The following RNASE1 variants were observed in gnomAD, a reference collection of about 807,000 sequenced individuals.
RNASE1 encodes ribonuclease A family member 1, pancreatic.
For synonymous variants in RNASE1, 64 were observed against 78.6 expected (o/e 0.81, Z 0.98); for missense variants, 203 against 201.0 (o/e 1.01, Z -0.06).
Position 20,801,270 on chromosome 14 carries a change from T to C in RNASE1, c.*328A>G. 1 of 296,854 alleles carries C rather than the reference T, an allele frequency of 3.4e-6. No individual in the cohort carries two copies. The highest frequency in any genetic ancestry group is 6.4e-6 in the Non-Finnish European group (1 of 156,806). 18.4% of individuals were successfully genotyped at this position (296,854 alleles called of 1,614,324 possible). On this transcript the variant is annotated 3_prime_UTR_variant, in exon 2 of 2. Coordinates refer to ENST00000397967, the MANE Select transcript of RNASE1 (RefSeq NM_002933.5). ...GGCATTTAATTACTCCATTCACCGT[T>C]CTCCAAAGTGAATCAGATTTACAGT...
Position 20,801,641 on chromosome 14 carries a change from T to A in RNASE1, c.428A>T (p.Tyr143Phe), listed in dbSNP as rs1278644227. Residue 143 changes from tyrosine to phenylalanine, a missense_variant, in exon 2 of 2, where the codon TAT becomes TTT. Coordinates refer to ENST00000397967, the MANE Select transcript of RNASE1 (RefSeq NM_002933.5). ...AGAAGCATCAAAGTGGACTGGCACA[T>A]ATGGGCTCCCTTCACAGGCCACAAT... ...HIIVACEGSP[Y>F]VPVHFDASVE... 2.5e-6 allele frequency: 4 copies of A among 1,613,990 alleles called. No individual in the cohort carries two copies. The highest frequency in any genetic ancestry group is 3.4e-6 in the Non-Finnish European group (4 of 1,180,022).
chr14:20,801,393 TGGA>T lies in RNASE1; in HGVS notation c.*202_*204del, dbSNP rs1229921078. On this transcript the variant is annotated 3_prime_UTR_variant, in exon 2 of 2. Coordinates refer to ENST00000397967, the MANE Select transcript of RNASE1 (RefSeq NM_002933.5). ...AACTGCGTTTTATTGAAAGAAAGAG[TGGA>T]GGGGTTAACATGGGGCCCACCTCAC... 9 of 573,782 alleles carry T rather than the reference TGGA, an allele frequency of 1.6e-5. No homozygotes were observed. Among genetic ancestry groups the T allele is most frequent in the Non-Finnish European group, 2.2e-5 (7 of 321,962 alleles). 35.5% of individuals were successfully genotyped at this position (573,782 alleles called of 1,614,324 possible). A position where few individuals can be genotyped will look rare whatever the true frequency, so the allele number is the denominator to read the frequency against.
intron 1 of RNASE1, chr14:20,802,473 T>C (rs1258386930): frequency 5.8e-6 from 1 of 172,774 alleles, no homozygotes. Flanking sequence ...TCCAGGGCCA[T>C]GGGTGACAGA....
intron 1 of RNASE1, among the ~76,000 whole-genome samples, 195 bp downstream of exon 1, chr14:20,802,602 C>G (rs979737642): frequency 1.3e-5 from 2 of 152,196 alleles, no homozygotes; most frequent in African/African-American, 4.8e-5. Context: ...GCTCCTTCTT[C>G]TCCAGTCCCA....
At chr14:20,802,720 T>C (rs1337179234) in intron 1 of RNASE1, 77 bp downstream of exon 1, 1 of 152,576 alleles carries the variant, frequency 6.6e-6, no homozygotes, top group East Asian at 1.9e-4. Flanking sequence ...TTCTCAGTGC[T>C]GTGGACTGGC....
At position 20,801,757 on chromosome 14, in the gene RNASE1, G is replaced by A. The variant is rs750981570; in HGVS notation, c.312C>T (p.Asn104=). ...KNGQGNCYKS[N]SSMHITDCRL... The stretch of plus-strand genomic sequence containing the variant: ...GGCAGTCTGTGATGTGCATGCTGGA[G>A]TTGCTCTTGTAGCAGTTGCCCTGCC... The change falls in exon 2 of 2, where the codon AAC becomes AAT. Residue 104 remains asparagine, a synonymous_variant. Coordinates refer to ENST00000397967, the MANE Select transcript of RNASE1 (RefSeq NM_002933.5). 6.2e-7 allele frequency: 1 copy of A among 1,614,238 alleles called. No homozygotes were observed.
chr14:20,801,679 C>A lies in RNASE1; in HGVS notation c.390G>T (p.Lys130Asn), dbSNP rs11545379. The part of the protein sequence containing the change: ...YPNCAYRTSP[K>N]ERHIIVACEG... ...CACAGGCCACAATGATGTGTCTCTCCTTCGGGCTGGTCCGGTATGCACAGT... is the reference window on the plus strand; with the variant it reads ...CACAGGCCACAATGATGTGTCTCTCATTCGGGCTGGTCCGGTATGCACAGT... The change falls in exon 2 of 2, where the codon AAG (lysine) becomes AAT (asparagine). Residue 130 changes from lysine (K) to asparagine (N), a missense_variant. Lys to Asn is a moderately conservative substitution (Grantham distance 94). Coordinates refer to ENST00000397967, the MANE Select transcript of RNASE1 (RefSeq NM_002933.5). 34 of 1,614,050 alleles carry A rather than the reference C, an allele frequency of 2.1e-5. No individual in the cohort carries two copies. Among genetic ancestry groups the A allele is most frequent in the Non-Finnish European group, 1.6e-5 (19 of 1,180,048 alleles).
Position 20,801,823 on chromosome 14 carries a change from G to C in RNASE1, c.246C>G (p.Val82=), listed in dbSNP as rs761244763. 1 of 1,614,172 alleles carries C rather than the reference G, an allele frequency of 6.2e-7. No homozygotes were observed. Among genetic ancestry groups the C allele is most frequent in the Non-Finnish European group, 8.5e-7 (1 of 1,180,034 alleles). ...NTFVHEPLVD[V]QNVCFQEKVT... Reference sequence around the variant, plus strand: ...CCTTTTCCTGGAAACAGACATTCTGGACATCTACCAGGGGCTCGTGCACAA... The same window carrying C: ...CCTTTTCCTGGAAACAGACATTCTGCACATCTACCAGGGGCTCGTGCACAA... The change falls in exon 2 of 2, where the codon GTC becomes GTG. Residue 82 remains valine, a synonymous_variant. Transcript: ENST00000397967.
rs372724258 is a variant in RNASE1, at chr14:20,801,560, T to C, written c.*38A>G. Reference sequence around the variant, plus strand: ...AGGGAAGAGGCAGCTGTGGAGAGGATGAGGTTGAGGGAGGTGGGGTATCTC... The same window carrying C: ...AGGGAAGAGGCAGCTGTGGAGAGGACGAGGTTGAGGGAGGTGGGGTATCTC... On this transcript the variant is annotated 3_prime_UTR_variant, in exon 2 of 2. Coordinates refer to ENST00000397967, the MANE Select transcript of RNASE1 (RefSeq NM_002933.5). 54 of 1,540,086 alleles carry C rather than the reference T, an allele frequency of 3.5e-5. 1 individual carries two copies. The highest frequency in any genetic ancestry group is 4.7e-5 in the Non-Finnish European group (53 of 1,116,154).
chr14:20,801,685 G>A lies in RNASE1; in HGVS notation c.384C>T (p.Ser128=). The A allele has an allele frequency of 6.2e-7, 1 of 1,614,166 alleles. No homozygotes were observed. Among genetic ancestry groups the A allele is most frequent in the South Asian group, 1.1e-5 (1 of 91,072 alleles). ...CCACAATGATGTGTCTCTCCTTCGG[G>A]CTGGTCCGGTATGCACAGTTGGGGT... ...SRYPNCAYRT[S]PKERHIIVAC... is the part of the protein sequence containing the mutation. The change falls in exon 2 of 2, where the codon AGC becomes AGT. Residue 128 remains serine (S), a synonymous_variant. Transcript: ENST00000397967.
At chr14:20,802,114 G>T in intron 1 of RNASE1, 21 bp from the exon 2 acceptor site, 1 of 1,411,450 alleles carries the variant, frequency 7.1e-7, no homozygotes, top group Non-Finnish European at 9.4e-7. Flanking sequence ...AAAGGAGAGA[G>T]AAGGAAAAGA....
chr14:20,801,950 T>G lies in RNASE1; in HGVS notation c.119A>C (p.His40Pro). 6.2e-7 allele frequency: 1 copy of G among 1,614,014 alleles called. No individual in the cohort carries two copies. Reference sequence around the variant, plus strand: ...GCTGGGGGAACTGTCTGAGTCCATATGCTGCCGCTGGAATTTCTTGGCCCG... The same window carrying G: ...GCTGGGGGAACTGTCTGAGTCCATAGGCTGCCGCTGGAATTTCTTGGCCCG... ...ESRAKKFQRQ[H>P]MDSDSSPSSS... Residue 40 changes from histidine to proline, a missense_variant, in exon 2 of 2, where the codon CAT (histidine) becomes CCT (proline). Coordinates refer to ENST00000397967, the MANE Select transcript of RNASE1 (RefSeq NM_002933.5).
Position 20,801,588 on chromosome 14 carries a change from T to TG in RNASE1, c.*9dup. On this transcript the variant is annotated 3_prime_UTR_variant, in exon 2 of 2. Coordinates refer to ENST00000397967, the MANE Select transcript of RNASE1 (RefSeq NM_002933.5). ...GGTTGAGGGAGGTGGGGTATCTCGC[T>TG]GCTCTGACCTTAGGTAGAGTCCTCC... is the stretch of plus-strand genomic sequence containing the variant. 6.2e-7 allele frequency: 1 copy of TG among 1,604,942 alleles called. No individual in the cohort carries two copies. Among genetic ancestry groups the TG allele is most frequent in the Middle Eastern group, 1.7e-4 (1 of 5,800 alleles).
Position 20,801,512 on chromosome 14 carries a change from T to C in RNASE1, c.*86A>G, listed in dbSNP as rs1015583534. On this transcript the variant is annotated 3_prime_UTR_variant, in exon 2 of 2. Coordinates refer to ENST00000397967, the MANE Select transcript of RNASE1 (RefSeq NM_002933.5). ...GAATAGGAGCCCTAACTGTAGTTAC[T>C]TCTTTCACAGCAGGGAAGGAAGAGG... is the stretch of plus-strand genomic sequence containing the variant. 2.6e-6 allele frequency: 3 copies of C among 1,145,886 alleles called. No homozygotes were observed. In the Admixed American group the frequency reaches 5.6e-5, roughly 22 times the overall value. The allele number at this position is 1,145,886 out of a possible 1,614,324, so 71.0% of individuals were successfully genotyped here.
In RNASE1 at chr14:20,801,971, G is replaced by C; in HGVS notation, c.98C>G (p.Ala33Gly). ...VQPSLGKESR[A>G]KKFQRQHMDS... ...CATATGCTGCCGCTGGAATTTCTTG[G>C]CCCGGGATTCCTTGCCCAGGGAAGG... is the stretch of plus-strand genomic sequence containing the variant. The change falls in exon 2 of 2, where the codon GCC (alanine) becomes GGC (glycine). Residue 33 changes from alanine to glycine, a missense_variant. Ala to Gly is a moderately conservative substitution (Grantham distance 60, BLOSUM62 0). Transcript: ENST00000397967. 6.2e-7 allele frequency: 1 copy of C among 1,613,630 alleles called. No homozygotes were observed. The highest frequency in any genetic ancestry group is 8.5e-7 in the Non-Finnish European group (1 of 1,179,996).
rs375322502 is a variant in RNASE1, at chr14:20,802,098, T to C, written c.-25-5A>G. Reference sequence around the variant, plus strand: ...GCCTCACTTTCCCAGAAAAGCCTAATTGAGAAAAGGAGAGAGAAGGAAAAG... The same window carrying C: ...GCCTCACTTTCCCAGAAAAGCCTAACTGAGAAAAGGAGAGAGAAGGAAAAG... On this transcript the variant is annotated splice_region_variant and splice_polypyrimidine_tract_variant and intron_variant, in intron 1 of 1. Coordinates refer to ENST00000397967, the MANE Select transcript of RNASE1 (RefSeq NM_002933.5). 41 of 1,514,312 alleles carry C rather than the reference T, an allele frequency of 2.7e-5. No individual in the cohort carries two copies. The Admixed American group carries it at 3.6e-4, about 13-fold the overall frequency. The allele number at this position is 1,514,312 out of a possible 1,614,324, so 93.8% of individuals were successfully genotyped here.
rs1879373498 is a variant in RNASE1, at chr14:20,801,280, G to C, written c.*318C>G. On this transcript the variant is annotated 3_prime_UTR_variant, in exon 2 of 2. Transcript: ENST00000397967. ...TACTCCATTCACCGTTCTCCAAAGT[G>C]AATCAGATTTACAGTTCTTACCCCT... is the stretch of plus-strand genomic sequence containing the variant. 6.3e-6 allele frequency: 2 copies of C among 319,118 alleles called. No individual in the cohort carries two copies. The highest frequency in any genetic ancestry group is 1.2e-5 in the Non-Finnish European group (2 of 170,674). 19.8% of individuals were successfully genotyped at this position (319,118 alleles called of 1,614,324 possible).
Position 20,801,387 on chromosome 14 carries a change from A to G in RNASE1, c.*211T>C. On this transcript the variant is annotated 3_prime_UTR_variant, in exon 2 of 2. Transcript: ENST00000397967. ...GTTTGCAACTGCGTTTTATTGAAAG[A>G]AAGAGTGGAGGGGTTAACATGGGGC... 1.7e-6 allele frequency: 1 copy of G among 580,654 alleles called. No individual in the cohort carries two copies. Among genetic ancestry groups the G allele is most frequent in the South Asian group, 2.2e-5 (1 of 44,722 alleles). 36.0% of individuals were successfully genotyped at this position (580,654 alleles called of 1,614,324 possible).
At position 20,801,568 on chromosome 14, in the gene RNASE1, AGG is replaced by A. The variant is rs1211078936; in HGVS notation, c.*28_*29del. On this transcript the variant is annotated 3_prime_UTR_variant, in exon 2 of 2. Coordinates refer to ENST00000397967, the MANE Select transcript of RNASE1 (RefSeq NM_002933.5). ...GGCAGCTGTGGAGAGGATGAGGTTG[AGG>A]GAGGTGGGGTATCTCGCTGCTCTGA... 4 of 1,576,782 alleles carry A rather than the reference AGG, an allele frequency of 2.5e-6. No individual in the cohort carries two copies. The highest frequency in any genetic ancestry group is 1.9e-4 in the Middle Eastern group (1 of 5,380).
Sources: gnomAD v4.1 joint callset for allele counts (sites outside exome capture counted in the v4.1 genomes callset) on GRCh38, gnomAD v4.1.1 for gene constraint, MANE v1.5 for transcripts, NCBI Gene and HGNC (gene_info 2026-07-23, HGNC 2026-07-21) for gene names.